Variants in PTK2 observed in about 807,000 individuals in gnomAD.
PTK2 encodes protein tyrosine kinase 2.
Under a neutral mutation model 150.1 loss-of-function variants are expected in PTK2, and 45 were observed. That is an observed-to-expected ratio of 0.30 (90% CI 0.24 to 0.38). The LOEUF is 0.38. Ranked by LOEUF, PTK2 falls within the 10% of genes least tolerant of loss-of-function variation. PTK2 has a pLI of 1.00. For missense variants in PTK2, 919 were observed against 1,307.3 expected (o/e 0.70, Z 4.58); for synonymous variants, 432 against 449.2 (o/e 0.96, Z 0.48).
intron 5 of PTK2, among the ~76,000 whole-genome samples, chr8:140,861,981 T>C (rs1599181192): frequency 6.6e-6 from 1 of 152,214 alleles, no homozygotes; most frequent in Non-Finnish European, 1.5e-5. Context: ...CTGAATTCTA[T>C]AGACTACCAT....
At position 140,735,300 on chromosome 8, in the gene PTK2, AG is replaced by A; in HGVS notation, c.1980del (p.Tyr661MetfsTer31). The stretch of plus-strand genomic sequence containing the variant: ...AACCTGGGCCGCCTGCTGGGGTCAT[AG>A]GCCCAGCATTTCGTCATAAGGCTGT... On this transcript the variant is annotated frameshift_variant, in exon 22 of 32. Coordinates refer to ENST00000522684, the Ensembl canonical transcript of PTK2. LOFTEE classifies it high-confidence loss of function. 1 of 1,614,108 alleles carries A rather than the reference AG, an allele frequency of 6.2e-7. No homozygotes were observed. Among genetic ancestry groups the A allele is most frequent in the Non-Finnish European group, 8.5e-7 (1 of 1,180,026 alleles).
At chr8:140,803,685 G>C (rs752913831) in intron 10 of PTK2, 35 bp from the exon 11 acceptor site, 25 of 1,542,232 alleles carry the variant, frequency 1.6e-5, no homozygotes, top group Admixed American at 8.4e-5. Flanking sequence ...TTAGACTACG[G>C]ATAAAAAACT....
At chr8:140,806,977 ATTTTCTTC>A (rs958766130) in intron 10 of PTK2, among the ~76,000 whole-genome samples, 17 of 152,118 alleles carry the variant, frequency 1.1e-4, no homozygotes, top group Non-Finnish European at 7.4e-5. Flanking sequence ...TATATTGCTT[ATTTTCTTC>A]TTTATATTCT....
At chr8:140,839,212 G>GGTGGGGATGATGAACCCGGCGC in intron 7 of PTK2, among the ~76,000 whole-genome samples, 1 of 152,170 alleles carries the variant, frequency 6.6e-6, no homozygotes, top group East Asian at 1.9e-4. Context: ...GTACCTGCAA[G>GGTGGGGATGATGAACCCGGCGC]GTGGGGATGA....
exon 32 of PTK2, chr8:140,659,478 C>A: frequency 6.2e-7 from 1 of 1,612,254 alleles, no homozygotes. Flanking sequence ...AGTGTGGTCT[C>A]GTCTGCCCAA....
intron 7 of PTK2, among the ~76,000 whole-genome samples, chr8:140,835,967 G>A (rs371903665): frequency 1.3e-5 from 2 of 152,080 alleles, no homozygotes; most frequent in African/African-American, 4.8e-5. Context: ...TCCCTGTGAC[G>A]AGAATGGCAT....
intron 14 of PTK2, among the ~76,000 whole-genome samples, chr8:140,771,904 C>A (rs143147496): frequency 3.3e-5 from 5 of 151,732 alleles, no homozygotes; most frequent in Non-Finnish European, 7.4e-5. Context: ...TTCAGCCTCC[C>A]GCGTAGCTGG....
At chr8:140,901,572 A>G (rs546486053) in intron 2 of PTK2, among the ~76,000 whole-genome samples, 1 of 152,130 alleles carries the variant, frequency 6.6e-6, no homozygotes, top group Non-Finnish European at 1.5e-5. Flanking sequence ...AGAAAACTCA[A>G]TAGAAGGAGT....
At chr8:140,772,049 A>G (rs2100075797) in intron 14 of PTK2, among the ~76,000 whole-genome samples, 1 of 151,910 alleles carries the variant, frequency 6.6e-6, no homozygotes, top group Non-Finnish European at 1.5e-5. Context: ...CTGGCCTCCC[A>G]AAGTGTTGTG....
At chr8:140,795,187 T>C (rs2100090864) in intron 12 of PTK2, among the ~76,000 whole-genome samples, 1 of 152,178 alleles carries the variant, frequency 6.6e-6, no homozygotes, top group Non-Finnish European at 1.5e-5. Context: ...CAACCTACCA[T>C]GGTCTATTCT....
At chr8:140,948,139 A>G (rs1182139058) in intron 1 of PTK2, among the ~76,000 whole-genome samples, 1 of 152,218 alleles carries the variant, frequency 6.6e-6, no homozygotes, top group Non-Finnish European at 1.5e-5. Context: ...TCAGACATAC[A>G]GGGAATACCA....
At chr8:140,940,366 C>G (rs1467984486) in intron 1 of PTK2, among the ~76,000 whole-genome samples, 2 of 152,022 alleles carry the variant, frequency 1.3e-5, no homozygotes, top group African/African-American at 4.8e-5. Context: ...TCAGGCAGGC[C>G]TGAACCCGGG....
At chr8:140,780,373 C>A (rs2100080982) in intron 14 of PTK2, among the ~76,000 whole-genome samples, 1 of 152,200 alleles carries the variant, frequency 6.6e-6, no homozygotes, top group Middle Eastern at 3.4e-3. Flanking sequence ...ACCAGATGTA[C>A]ATCACCTAAG....
chr8:140,760,570 G>C (rs1035565882), intron 16 of PTK2, among the ~76,000 whole-genome samples: 7 of 152,190 alleles, frequency 4.6e-5, no homozygotes, highest in Middle Eastern at 3.2e-3. Context: ...GCCAAAGGCT[G>C]GGGAAGGGTG....
intron 27 of PTK2, among the ~76,000 whole-genome samples, chr8:140,682,394 A>G (rs2100017563): frequency 6.6e-6 from 1 of 152,144 alleles, no homozygotes; most frequent in Admixed American, 6.5e-5. Flanking sequence ...AACAACAACA[A>G]CAAAAAATTT....
rs184373841 is a variant in PTK2, at chr8:140,778,520, T to C, written c.1177+10954A>G. Among the ~76,000 whole-genome samples the C allele has an allele frequency of 3.7e-3, 560 of 152,326 alleles. 2 individuals carry two copies. Among genetic ancestry groups the C allele is most frequent in the Middle Eastern group, 6.8e-3 (2 of 294 alleles). ...GTGAGATCAAGGCAGGCAGCACTTA[T>C]GGCTGGCAAATGCTGGAGGTTTAAG... is the stretch of plus-strand genomic sequence containing the variant. On this transcript the variant is annotated intron_variant, in intron 14 of 31. Coordinates refer to ENST00000522684, the Ensembl canonical transcript of PTK2.
At chr8:140,724,876 AGT>A (rs1277028121) in intron 22 of PTK2, among the ~76,000 whole-genome samples, 1 of 152,240 alleles carries the variant, frequency 6.6e-6, no homozygotes, top group East Asian at 1.9e-4. Flanking sequence ...TAGCTGACCT[AGT>A]AGCTAAAGGC....
At chr8:140,958,482 T>C (rs1243547740) in intron 1 of PTK2, among the ~76,000 whole-genome samples, 1 of 152,148 alleles carries the variant, frequency 6.6e-6, no homozygotes, top group Non-Finnish European at 1.5e-5. Flanking sequence ...AACTTTAATG[T>C]AGCATAACTC....
intron 7 of PTK2, among the ~76,000 whole-genome samples, chr8:140,845,896 C>T (rs1344689685): frequency 6.6e-6 from 1 of 152,080 alleles, no homozygotes; most frequent in Non-Finnish European, 1.5e-5. Context: ...CAGTAACTTC[C>T]GTATCTCTAT....
Sources: gnomAD v4.1 joint callset for allele counts (sites outside exome capture counted in the v4.1 genomes callset) on GRCh38, gnomAD v4.1.1 for gene constraint, MANE v1.5 for transcripts, NCBI Gene and HGNC (gene_info 2026-07-23, HGNC 2026-07-21) for gene names.